Variants in QKI observed in about 807,000 individuals in gnomAD.
The protein encoded by QKI is KH domain-containing RNA-binding protein QKI.
Under a neutral mutation model 39.0 loss-of-function variants are expected in QKI, and 10 were observed. That is an observed-to-expected ratio of 0.26 (90% confidence interval 0.16 to 0.43). The LOEUF (loss-of-function observed/expected upper bound fraction) is 0.43, where lower values mean the gene tolerates loss of function less well. Ranked by LOEUF, QKI falls within the 20% of genes least tolerant of loss-of-function variation. The probability of loss-of-function intolerance (pLI) is 1.00; values close to 1 mark genes in which losing one functional copy is unlikely to be tolerated. For synonymous variants in QKI, 204 were observed against 155.4 expected, an observed-to-expected ratio of 1.31 and a Z score of -2.33; for missense variants, 218 against 428.0, an observed-to-expected ratio of 0.51 and a Z score of 4.33.
In QKI at chr6:163,415,282, G is replaced by A; in HGVS notation, c.89G>A (p.Ser30Asn). 6.3e-7 allele frequency: 1 copy of A among 1,595,400 alleles called. No homozygotes were observed. The highest frequency in any genetic ancestry group is 8.6e-7 in the Non-Finnish European group (1 of 1,168,212). Reference protein sequence around the residue: ...QLMNDKKLMSSLPNFCGIFNH... With the variant: ...QLMNDKKLMSNLPNFCGIFNH... ...ATGAACGACAAGAAGCTCATGAGCA[G>A]CCTGCCCAACTTCTGCGGGATCTTC... The change falls in exon 1 of 8, where the codon AGC becomes AAC. Residue 30 changes from serine (S) to asparagine (N), a missense_variant. Physicochemically the swap from Ser to Asn is conservative, Grantham distance 46. Transcript: ENST00000361752.
In QKI at chr6:163,542,832, TGAC is replaced by T. The variant is rs566864603; in HGVS notation, c.546+7711_546+7713del. 1.2e-3 allele frequency among the ~76,000 whole-genome samples: 189 copies of T among 152,140 alleles called. 1 individual carries two copies. The highest frequency in any genetic ancestry group is 2.1e-3 in the Non-Finnish European group (145 of 67,912). On this transcript the variant is annotated intron_variant, in intron 4 of 7. Transcript: ENST00000361752. ...CTATAAAAGTAAATGATCTAATACA[TGAC>T]GACAAATTTCCACCTGCGGGTTTTG... is the stretch of plus-strand genomic sequence containing the variant.
At chr6:163,523,205 G>A (rs1041298740) in intron 3 of QKI, among the ~76,000 whole-genome samples, 2 of 152,040 alleles carry the variant, frequency 1.3e-5, no homozygotes, top group African/African-American at 4.8e-5. Context: ...TTCACAGAAG[G>A]CAGGTAAAAT....
At chr6:163,521,855 T>G (rs1441271967) in intron 3 of QKI, among the ~76,000 whole-genome samples, 1 of 152,116 alleles carries the variant, frequency 6.6e-6, no homozygotes, top group Non-Finnish European at 1.5e-5. Context: ...ATTGATTAAT[T>G]GCTAATTTAT....
At chr6:163,469,520 G>A (rs1416479969) in intron 2 of QKI, among the ~76,000 whole-genome samples, 3 of 152,170 alleles carry the variant, frequency 2.0e-5, no homozygotes, top group Admixed American at 6.6e-5. Flanking sequence ...AACAAATATA[G>A]TAGAGGCATT....
At chr6:163,435,697 C>A (rs1026898113) in intron 1 of QKI, among the ~76,000 whole-genome samples, 2 of 152,056 alleles carry the variant, frequency 1.3e-5, no homozygotes, top group Non-Finnish European at 2.9e-5. Flanking sequence ...CTAATGAAAT[C>A]CATTTGCCAC....
Position 163,414,767 on chromosome 6 carries a change from C to T in QKI, c.-427C>T. 6.8e-6 allele frequency: 1 copy of T among 147,768 alleles called. No homozygotes were observed. The highest frequency in any genetic ancestry group is 1.5e-5 in the Non-Finnish European group (1 of 66,556). 9.2% of individuals were successfully genotyped at this position (147,768 alleles called of 1,614,324 possible). A position where few individuals can be genotyped will look rare whatever the true frequency, so the allele number is the denominator to read the frequency against. On this transcript the variant is annotated 5_prime_UTR_variant, in exon 1 of 8. Coordinates refer to ENST00000361752, the MANE Select transcript of QKI (RefSeq NM_006775.3). The stretch of plus-strand genomic sequence containing the variant: ...CAGAGGCGCCGCGGCGGGGACCAGC[C>T]CAGAGAGACCCCCCGAGCCCGCGGC...
intron 3 of QKI, among the ~76,000 whole-genome samples, chr6:163,499,308 T>C (rs999638815): frequency 3.9e-5 from 6 of 152,186 alleles, no homozygotes; most frequent in African/African-American, 1.4e-4. Flanking sequence ...CAATTTGTAA[T>C]ATTTAGATAG....
chr6:163,428,126 G>A (rs1231465088), intron 1 of QKI, among the ~76,000 whole-genome samples: 1 of 152,202 alleles, frequency 6.6e-6, no homozygotes, highest in Non-Finnish European at 1.5e-5. Flanking sequence ...GAGTTGCTCA[G>A]GAATGTGACA....
intron 3 of QKI, among the ~76,000 whole-genome samples, chr6:163,534,662 T>TTGTATGATACTACATACATGATGATGA (rs1781082953): frequency 6.6e-6 from 1 of 152,212 alleles, no homozygotes; most frequent in South Asian, 2.1e-4. Context: ...CAGATGTATG[T>TTGTATGATACTACATACATGATGATGA]TGTATGATAC....
chr6:163,489,403 G>C (rs1341948652), intron 3 of QKI, among the ~76,000 whole-genome samples: 1 of 145,384 alleles, frequency 6.9e-6, no homozygotes, highest in South Asian at 2.3e-4. Context: ...ATCTGTTAAA[G>C]GCACTTTCAA....
intron 1 of QKI, among the ~76,000 whole-genome samples, chr6:163,437,554 C>G (rs988759054): frequency 3.3e-5 from 5 of 152,100 alleles, no homozygotes; most frequent in African/African-American, 1.2e-4. Flanking sequence ...CTGGAAAACA[C>G]CTGAAGTAAT....
chr6:163,415,192 A>C lies in QKI; in HGVS notation c.-2A>C. ...GGCGGAGTGAGCTGCGGAGCCTGGA[A>C]TATGGTCGGGGAAATGGAAACGAAG... On this transcript the variant is annotated 5_prime_UTR_variant, in exon 1 of 8. Transcript: ENST00000361752. 7.1e-6 allele frequency: 11 copies of C among 1,545,556 alleles called. No individual in the cohort carries two copies. The highest frequency in any genetic ancestry group is 7.0e-6 in the Non-Finnish European group (8 of 1,138,826).
intron 4 of QKI, among the ~76,000 whole-genome samples, chr6:163,557,589 AGAAT>A (rs1314637150): frequency 1.3e-5 from 2 of 152,230 alleles, no homozygotes; most frequent in East Asian, 3.9e-4. Flanking sequence ...TAATATAGTT[AGAAT>A]GAGTAAGATC....
At chr6:163,522,579 T>G (rs1780229589) in intron 3 of QKI, among the ~76,000 whole-genome samples, 2 of 152,154 alleles carry the variant, frequency 1.3e-5, no homozygotes, top group Admixed American at 1.3e-4. Flanking sequence ...AAATGAAAAT[T>G]CAGGGTTTGG....
At chr6:163,470,334 G>A (rs1304452973) in intron 2 of QKI, among the ~76,000 whole-genome samples, 1 of 152,116 alleles carries the variant, frequency 6.6e-6, no homozygotes, top group African/African-American at 2.4e-5. Flanking sequence ...CTAGGAGGTT[G>A]CAGGTCCTCA....
chr6:163,514,581 C>G (rs1437229128), intron 3 of QKI, among the ~76,000 whole-genome samples: 1 of 152,034 alleles, frequency 6.6e-6, no homozygotes, highest in African/African-American at 2.4e-5. Flanking sequence ...GTCTGTATGA[C>G]TGAGGGATAA....
intron 3 of QKI, among the ~76,000 whole-genome samples, chr6:163,514,350 C>A (rs6914387): frequency 0.79 from 119,694 of 152,152 alleles, 47,256 homozygotes; most frequent in East Asian, 1. Flanking sequence ...TAGAGCTATA[C>A]ATTTGAAAAC....
At chr6:163,450,406 GT>G (rs1790470838) in intron 1 of QKI, among the ~76,000 whole-genome samples, 1 of 152,088 alleles carries the variant, frequency 6.6e-6, no homozygotes, top group South Asian at 2.1e-4. Context: ...CAGAGTGCAC[GT>G]ACAATAATTT....
At chr6:163,533,222 A>G (rs1348926565) in intron 3 of QKI, among the ~76,000 whole-genome samples, 1 of 152,162 alleles carries the variant, frequency 6.6e-6, no homozygotes, top group Non-Finnish European at 1.5e-5. Flanking sequence ...AAATCTGGAT[A>G]ACAAAACTAA....
Sources: allele counts gnomAD v4.1 joint callset (sites outside exome capture counted in the v4.1 genomes callset), GRCh38; gene constraint gnomAD v4.1.1; transcripts MANE v1.5; gene names NCBI Gene and HGNC (gene_info 2026-07-23, HGNC 2026-07-21).